Variants in RBFOX1 observed in about 807,000 individuals in gnomAD.
The protein encoded by RBFOX1 is RNA binding fox-1 homolog 1.
Under a neutral mutation model 57.7 loss-of-function variants are expected in RBFOX1, and 8 were observed. The observed-to-expected ratio is 0.14, with a 90% CI of 0.08 to 0.25. The LOEUF (loss-of-function observed/expected upper bound fraction) is 0.25. RBFOX1 is among the 10% of genes least tolerant of loss of function. RBFOX1 has a pLI of 1.00. For missense variants in RBFOX1, 611 were observed against 548.5 expected (o/e 1.11, Z -1.14); for synonymous variants, 326 against 222.4 (o/e 1.47, Z -4.15).
intron 4 of RBFOX1, among the ~76,000 whole-genome samples, chr16:7,430,780 C>G (rs1158893895): frequency 6.6e-6 from 1 of 152,182 alleles, no homozygotes; most frequent in East Asian, 1.9e-4. Flanking sequence ...GCCTGGTCGT[C>G]TTGCTACCTG....
intron 2 of RBFOX1, among the ~76,000 whole-genome samples, chr16:5,564,506 A>G (rs925312489): frequency 6.6e-6 from 1 of 152,086 alleles, no homozygotes. Flanking sequence ...ACATAGAACA[A>G]GTTTCATAAC....
Position 7,417,663 on chromosome 16 carries a change from G to A in RBFOX1, c.28-100484G>A, listed in dbSNP as rs116640597. Among the ~76,000 whole-genome samples, 653 of 151,878 alleles carry A rather than the reference G, an allele frequency of 4.3e-3. 3 individuals are homozygous for A. The highest frequency in any genetic ancestry group is 0.014 in the African/African-American group (580 of 41,378). On this transcript the variant is annotated intron_variant, in intron 4 of 15. Transcript: ENST00000550418. ...CAAAGATCCTAGGCTCTACTCTTTCGTCCCTGCAGTGACCTCCCTCCCTGC... is the reference window on the plus strand; with the variant it reads ...CAAAGATCCTAGGCTCTACTCTTTCATCCCTGCAGTGACCTCCCTCCCTGC...
At chr16:6,863,787 A>G (rs2059435939) in intron 3 of RBFOX1, among the ~76,000 whole-genome samples, 1 of 139,370 alleles carries the variant, frequency 7.2e-6, no homozygotes, top group Non-Finnish European at 1.5e-5. Flanking sequence ...GAGGTAATAA[A>G]CCTTGTGATA....
At chr16:6,338,372 C>T (rs1006539462) in intron 2 of RBFOX1, among the ~76,000 whole-genome samples, 4 of 152,162 alleles carry the variant, frequency 2.6e-5, no homozygotes, top group Non-Finnish European at 2.9e-5. Flanking sequence ...CTCTCCATCA[C>T]AATTCCTGAG....
intron 2 of RBFOX1, among the ~76,000 whole-genome samples, chr16:6,445,235 T>C (rs916811397): frequency 1.8e-4 from 28 of 151,440 alleles, no homozygotes; most frequent in African/African-American, 6.7e-4. Context: ...TCCTTTTTTT[T>C]ATATATATAA....
intron 3 of RBFOX1, among the ~76,000 whole-genome samples, chr16:6,674,510 C>A (rs201601296): frequency 1.3e-5 from 2 of 151,950 alleles, no homozygotes; most frequent in Non-Finnish European, 2.9e-5. Context: ...TTAGTAGAGA[C>A]GGGGTTTCGT....
At chr16:5,509,328 G>T (rs143222296) in intron 2 of RBFOX1, among the ~76,000 whole-genome samples, 6 of 152,154 alleles carry the variant, frequency 3.9e-5, no homozygotes, top group African/African-American at 1.4e-4. Context: ...ACAGCTGGCC[G>T]GAACCATGGT....
At chr16:5,784,034 G>C (rs1240221558) in intron 3 of RBFOX1, among the ~76,000 whole-genome samples, 1 of 152,170 alleles carries the variant, frequency 6.6e-6, no homozygotes, top group African/African-American at 2.4e-5. Context: ...GGTTTAATTA[G>C]TTCATGGTTC....
intron 1 of RBFOX1, among the ~76,000 whole-genome samples, chr16:6,210,494 C>G (rs1396789100): frequency 1.3e-5 from 2 of 151,848 alleles, no homozygotes; most frequent in African/African-American, 2.4e-5. Flanking sequence ...CTTTAAGAAG[C>G]TGAGACAAGA....
At chr16:7,293,248 C>T (rs2095829018) in intron 4 of RBFOX1, among the ~76,000 whole-genome samples, 1 of 152,122 alleles carries the variant, frequency 6.6e-6, no homozygotes, top group Admixed American at 6.6e-5. Context: ...ATTGAAACAA[C>T]TATTTACATG....
chr16:6,197,821 G>T (rs1236522163), intron 1 of RBFOX1, among the ~76,000 whole-genome samples: 2 of 151,878 alleles, frequency 1.3e-5, no homozygotes, highest in South Asian at 2.1e-4. Flanking sequence ...CCCTCAAGTA[G>T]GACTCAGTGT....
At chr16:6,550,013 C>A (rs2096961657) in intron 2 of RBFOX1, among the ~76,000 whole-genome samples, 1 of 152,132 alleles carries the variant, frequency 6.6e-6, no homozygotes, top group Non-Finnish European at 1.5e-5. Context: ...AGAGGGGTGA[C>A]AGTTTCAAAT....
intron 1 of RBFOX1, among the ~76,000 whole-genome samples, chr16:5,337,428 G>T (rs1007026683): frequency 2.0e-5 from 3 of 152,170 alleles, no homozygotes; most frequent in Non-Finnish European, 4.4e-5. Context: ...TTTAGTGTAT[G>T]AATTAGTTTA....
chr16:6,447,148 CT>C (rs1387657383), intron 2 of RBFOX1, among the ~76,000 whole-genome samples: 2 of 152,234 alleles, frequency 1.3e-5, no homozygotes, highest in East Asian at 1.9e-4. Flanking sequence ...GTCTATTGGA[CT>C]TTTTTTCCTT....
chr16:6,096,405 G>T (rs891553867), intron 1 of RBFOX1, among the ~76,000 whole-genome samples: 1 of 152,136 alleles, frequency 6.6e-6, no homozygotes, highest in Non-Finnish European at 1.5e-5. Flanking sequence ...TTATTTTGGG[G>T]GGTTTTGTGT....
At chr16:5,446,826 G>C (rs536044934) in intron 1 of RBFOX1, among the ~76,000 whole-genome samples, 1 of 152,244 alleles carries the variant, frequency 6.6e-6, no homozygotes, top group South Asian at 2.1e-4. Flanking sequence ...AGAGGGCACT[G>C]TGTATTAGGT....
In RBFOX1 at chr16:7,158,553, A is replaced by G. The variant is rs557392182; in HGVS notation, c.27+106455A>G. Among the ~76,000 whole-genome samples, 3 of 151,748 alleles carry G rather than the reference A, an allele frequency of 2.0e-5. 1 individual carries two copies. The South Asian group carries it at 6.3e-4, about 32-fold the overall frequency. ...GTGTGTGTGTTTACTGTGTGTATCT[A>G]TGTCTGTGTGGTGTGTGTTTGTGTG... is the stretch of plus-strand genomic sequence containing the variant. On this transcript the variant is annotated intron_variant, in intron 4 of 15. Transcript: ENST00000550418.
At chr16:7,142,819 T>C (rs2074119417) in intron 4 of RBFOX1, among the ~76,000 whole-genome samples, 1 of 152,198 alleles carries the variant, frequency 6.6e-6, no homozygotes, top group South Asian at 2.1e-4. Context: ...ATTGAATGAA[T>C]GAAAGATAGA....
chr16:6,241,376 A>C (rs1439425436), intron 1 of RBFOX1, among the ~76,000 whole-genome samples: 3 of 152,224 alleles, frequency 2.0e-5, no homozygotes, highest in Admixed American at 1.3e-4. Flanking sequence ...TGAGCATTGA[A>C]CATCGCATTA....
Sources: gnomAD v4.1 joint callset for allele counts (sites outside exome capture counted in the v4.1 genomes callset) on GRCh38, gnomAD v4.1.1 for gene constraint, MANE v1.5 for transcripts, NCBI Gene and HGNC (gene_info 2026-07-23, HGNC 2026-07-21) for gene names.